The following GABBR2 variants were observed in gnomAD, a reference collection of about 807,000 sequenced individuals.
The protein encoded by GABBR2 is G-protein coupled receptor 51.
In GABBR2, 23 loss-of-function variants were observed where a neutral mutation model predicts 105.6. The observed-to-expected ratio is 0.22, with a 90% CI of 0.16 to 0.31. The LOEUF is 0.31. Ranked by LOEUF, GABBR2 falls within the 10% of genes least tolerant of loss-of-function variation. The pLI is 1.00. For synonymous variants in GABBR2, 478 were observed against 499.7 expected (o/e 0.96, Z 0.58); for missense variants, 734 against 1,245.5 (o/e 0.59, Z 6.18).
At chr9:98,522,639 A>T (rs1316144503) in intron 3 of GABBR2, among the ~76,000 whole-genome samples, 1 of 152,356 alleles carries the variant, frequency 6.6e-6, no homozygotes, top group East Asian at 1.9e-4. Context: ...ATTGTGATTT[A>T]TGCAAGGGCA....
At chr9:98,706,466 GT>G (rs1830896511) in intron 1 of GABBR2, among the ~76,000 whole-genome samples, 1 of 152,160 alleles carries the variant, frequency 6.6e-6, no homozygotes, top group Non-Finnish European at 1.5e-5. Context: ...CCTTCCCACT[GT>G]TTTCTAAATA....
At chr9:98,485,913 A>G (rs2131652655) in intron 4 of GABBR2, among the ~76,000 whole-genome samples, 1 of 152,214 alleles carries the variant, frequency 6.6e-6, no homozygotes, top group Admixed American at 6.5e-5. Context: ...CACCCCACAG[A>G]GAGCAACCAA....
chr9:98,396,095 C>G (rs1832285425), intron 8 of GABBR2, among the ~76,000 whole-genome samples: 1 of 152,220 alleles, frequency 6.6e-6, no homozygotes, highest in Non-Finnish European at 1.5e-5. Flanking sequence ...AGCCCATGCT[C>G]TTCCCTGACA....
chr9:98,680,116 T>C (rs1040027815), intron 1 of GABBR2, among the ~76,000 whole-genome samples: 2 of 152,184 alleles, frequency 1.3e-5, no homozygotes, highest in Non-Finnish European at 2.9e-5. Context: ...TCTTTTCTTG[T>C]CCTGCAAATG....
At position 98,360,903 on chromosome 9, in the gene GABBR2, C is replaced by G. The variant is rs951421999; in HGVS notation, c.1893+1812G>C. On this transcript the variant is annotated intron_variant, in intron 13 of 18. Coordinates refer to ENST00000259455, the MANE Select transcript of GABBR2 (RefSeq NM_005458.8). ...AGAATAGAGGCGGCAGCCATTCAGC[C>G]TCCCTAGCCCACTGTTGGGCTCCAC... Among the ~76,000 whole-genome samples the G allele has an allele frequency of 4.6e-5, 7 of 152,298 alleles. No individual in the cohort carries two copies. In the East Asian group the frequency reaches 5.8e-4, roughly 13 times the overall value.
chr9:98,505,313 T>TG (rs751844760), intron 3 of GABBR2, among the ~76,000 whole-genome samples: 5 of 151,980 alleles, frequency 3.3e-5, no homozygotes, highest in Non-Finnish European at 5.9e-5. Flanking sequence ...TGAAAGTAAG[T>TG]GAAAAAAATG....
intron 2 of GABBR2, among the ~76,000 whole-genome samples, chr9:98,568,303 T>TG (rs11409053): frequency 0.057 from 8,621 of 151,970 alleles, 748 homozygotes; most frequent in African/African-American, 0.19. Context: ...CACAGTCAAA[T>TG]GGGGGGGCAG....
intron 9 of GABBR2, among the ~76,000 whole-genome samples, chr9:98,390,248 C>G (rs1482366252): frequency 6.6e-6 from 1 of 151,788 alleles, no homozygotes; most frequent in Non-Finnish European, 1.5e-5. Context: ...CTGGTGCACA[C>G]CTGTAGTCCC....
chr9:98,413,593 T>C (rs1832628711), intron 7 of GABBR2, among the ~76,000 whole-genome samples: 1 of 152,146 alleles, frequency 6.6e-6, no homozygotes, highest in African/African-American at 2.4e-5. Flanking sequence ...CCTAGAGCAG[T>C]AGGTTTGCAG....
At chr9:98,584,109 C>T (rs1829038015) in intron 1 of GABBR2, among the ~76,000 whole-genome samples, 1 of 152,304 alleles carries the variant, frequency 6.6e-6, no homozygotes, top group East Asian at 1.9e-4. Flanking sequence ...AAGCTATGGG[C>T]TTTATCATGC....
chr9:98,447,383 G>A (rs950631123), intron 7 of GABBR2, among the ~76,000 whole-genome samples: 16 of 152,014 alleles, frequency 1.1e-4, no homozygotes, highest in African/African-American at 3.9e-4. Context: ...ACTTCTATGA[G>A]TAAATGATGA....
In GABBR2 at chr9:98,486,427, C is replaced by T. The variant is rs540116945; in HGVS notation, c.733-5430G>A. 1.1e-4 allele frequency among the ~76,000 whole-genome samples: 17 copies of T among 152,306 alleles called. No individual in the cohort carries two copies. The South Asian group carries it at 3.5e-3, about 32-fold the overall frequency. On this transcript the variant is annotated intron_variant, in intron 4 of 18. Transcript: ENST00000259455. ...GTGTGCATTTAAGAGTGCAGGACAG[C>T]AGAGGTGAGGAAGATGAGGGACCAC...
intron 1 of GABBR2, among the ~76,000 whole-genome samples, chr9:98,620,268 T>TCTCC (rs1829650658): frequency 6.6e-6 from 1 of 150,432 alleles, no homozygotes; most frequent in Admixed American, 6.6e-5. Flanking sequence ...TCTCTCTCTC[T>TCTCC]CCCCGCTCCC....
chr9:98,352,938 G>A (rs551700112), intron 13 of GABBR2, among the ~76,000 whole-genome samples: 2 of 152,242 alleles, frequency 1.3e-5, no homozygotes, highest in African/African-American at 4.8e-5. Flanking sequence ...TTGGGCCCTA[G>A]AGCAGGATAT....
At chr9:98,647,127 G>C (rs1192137181) in intron 1 of GABBR2, among the ~76,000 whole-genome samples, 1 of 152,228 alleles carries the variant, frequency 6.6e-6, no homozygotes, top group Non-Finnish European at 1.5e-5. Context: ...CACAGGTGAA[G>C]TGCTGGACTT....
intron 2 of GABBR2, among the ~76,000 whole-genome samples, chr9:98,554,591 T>C (rs563483094): frequency 9.0e-4 from 137 of 152,296 alleles, no homozygotes; most frequent in Non-Finnish European, 1.5e-3. Context: ...TAGATACTTT[T>C]AAAGAATAAT....
intron 13 of GABBR2, among the ~76,000 whole-genome samples, chr9:98,333,613 C>T (rs969158509): frequency 1.3e-5 from 2 of 152,096 alleles, no homozygotes; most frequent in Admixed American, 6.5e-5. Context: ...AGGGCCCATC[C>T]GGGTAATCCA....
intron 7 of GABBR2, among the ~76,000 whole-genome samples, chr9:98,450,540 G>A (rs1359529221): frequency 6.6e-6 from 1 of 152,162 alleles, no homozygotes; most frequent in African/African-American, 2.4e-5. Context: ...AAGGGAGATG[G>A]TGTTGAGTGG....
At chr9:98,354,095 T>C (rs112764493) in intron 13 of GABBR2, among the ~76,000 whole-genome samples, 10 of 152,346 alleles carry the variant, frequency 6.6e-5, no homozygotes, top group South Asian at 4.1e-4. Context: ...ACCAGGTACA[T>C]TGTCAATGAG....
Sources: gnomAD v4.1 joint callset for allele counts (sites outside exome capture counted in the v4.1 genomes callset) on GRCh38, gnomAD v4.1.1 for gene constraint, MANE v1.5 for transcripts, NCBI Gene and HGNC (gene_info 2026-07-23, HGNC 2026-07-21) for gene names.